The following GALNT13 variants were observed in gnomAD, a reference collection of about 807,000 sequenced individuals.
The protein encoded by GALNT13 is UDP-GalNAc:polypeptide N-acetylgalactosaminyltransferase 13.
GALNT13 carries 28 observed loss-of-function variants against 64.2 expected under a neutral mutation model. The ratio of observed to expected loss-of-function variants is 0.44; its 90% CI spans 0.32 to 0.60. GALNT13 has a LOEUF of 0.60. Among genes scored for constraint, GALNT13 ranks in the 20% least tolerant of loss-of-function variants. GALNT13 has a pLI of 0.05. For synonymous variants in GALNT13, 214 were observed against 224.6 expected, an observed-to-expected ratio of 0.95 and a Z score of 0.42; for missense variants, 577 against 669.8, an observed-to-expected ratio of 0.86 and a Z score of 1.53.
rs116098978 is a variant in GALNT13 at position 154,285,553 on chromosome 2, T to C, written c.976-15856T>C. Among the ~76,000 whole-genome samples, 885 of 152,248 alleles carry C rather than the reference T, an allele frequency of 5.8e-3. 10 individuals are homozygous for C. The highest frequency in any genetic ancestry group is 0.02 in the African/African-American group (840 of 41,562). ...ATACTTAGGTTTATTTCTGGGCTTT[T>C]GATTCTGTTTTACTGGTCTATGTGT... On this transcript the variant is annotated intron_variant, in intron 8 of 12. Transcript: ENST00000392825.
At chr2:154,237,300 T>C (rs1002744770) in intron 4 of GALNT13, among the ~76,000 whole-genome samples, 5 of 151,716 alleles carry the variant, frequency 3.3e-5, no homozygotes, top group Non-Finnish European at 7.4e-5. Context: ...GTAAAAGATA[T>C]AAAAACTGAG....
intron 12 of GALNT13, 86 bp from the exon 13 acceptor site, chr2:154,450,325 G>A (rs1701822528): frequency 8.1e-7 from 1 of 1,235,594 alleles, no homozygotes; most frequent in Admixed American, 2.3e-5. Flanking sequence ...AATCATAAAG[G>A]ATTTTTTAAA....
At chr2:154,010,973 T>C (rs1284687505) in intron 3 of GALNT13, among the ~76,000 whole-genome samples, 1 of 152,034 alleles carries the variant, frequency 6.6e-6, no homozygotes, top group Admixed American at 6.5e-5. Context: ...TGATTGTGTT[T>C]ATTTGGATCT....
the GALNT13 span, among the ~76,000 whole-genome samples, chr2:153,345,623 CTTTTCCTTTCTTTTT>C: frequency 2.7e-5 from 4 of 147,504 alleles, no homozygotes; most frequent in South Asian, 2.2e-4. Context: ...CTTTTCTTTT[CTTTTCCTTTCTTTTT>C]CTTTCTTTCT....
chr2:153,499,671 C>T, the GALNT13 span, among the ~76,000 whole-genome samples: 2 of 152,224 alleles, frequency 1.3e-5, no homozygotes, highest in Non-Finnish European at 2.9e-5. Flanking sequence ...CCAGAGGGGG[C>T]TGAGGGGGCA....
chr2:154,072,576 C>A (rs897374367), intron 3 of GALNT13, among the ~76,000 whole-genome samples: 1 of 151,918 alleles, frequency 6.6e-6, no homozygotes, highest in Non-Finnish European at 1.5e-5. Flanking sequence ...CTAATACCTC[C>A]CTGTTTCATG....
the GALNT13 span, among the ~76,000 whole-genome samples, chr2:153,081,177 G>A: frequency 6.6e-6 from 1 of 150,938 alleles, no homozygotes; most frequent in Non-Finnish European, 1.5e-5. Context: ...TTTTTACTTT[G>A]GTATTTATTG....
chr2:153,862,877 A>C, the GALNT13 span, among the ~76,000 whole-genome samples: 14 of 152,116 alleles, frequency 9.2e-5, no homozygotes, highest in Admixed American at 9.2e-4. Context: ...CTAATATTTT[A>C]AAATAAAGAA....
At chr2:153,401,310 T>C in the GALNT13 span, among the ~76,000 whole-genome samples, 1 of 151,762 alleles carries the variant, frequency 6.6e-6, no homozygotes, top group Non-Finnish European at 1.5e-5. Context: ...ATAATTTCTG[T>C]TCTTTTACAT....
intron 4 of GALNT13, among the ~76,000 whole-genome samples, chr2:154,205,855 C>A (rs905567459): frequency 6.6e-6 from 1 of 151,994 alleles, no homozygotes; most frequent in East Asian, 1.9e-4. Flanking sequence ...TGGAATAGGT[C>A]CAAACTTTAG....
rs1282769333 is a variant in GALNT13 at position 154,451,978 on chromosome 2, G to T, written c.*1427G>T. The T allele has an allele frequency of 6.6e-6, 1 of 152,004 alleles. No individual in the cohort carries two copies. Among genetic ancestry groups the T allele is most frequent in the Non-Finnish European group, 1.5e-5 (1 of 67,994 alleles). 9.4% of individuals were successfully genotyped at this position (152,004 alleles called of 1,614,324 possible). A position where few individuals can be genotyped will look rare whatever the true frequency, so the allele number is the denominator to read the frequency against. The stretch of plus-strand genomic sequence containing the variant: ...ATAGAAAGGATTAATCATTTTGACT[G>T]CATACAAACTATGTCTCTGACATGC... On this transcript the variant is annotated 3_prime_UTR_variant, in exon 13 of 13. Coordinates refer to ENST00000392825, the MANE Select transcript of GALNT13 (RefSeq NM_052917.4).
intron 3 of GALNT13, among the ~76,000 whole-genome samples, chr2:153,986,141 A>G (rs1039084930): frequency 6.6e-6 from 1 of 152,062 alleles, no homozygotes; most frequent in African/African-American, 2.4e-5. Context: ...TTTTCAAATC[A>G]GTACCTCGTA....
chr2:154,008,969 G>A (rs887196751), intron 3 of GALNT13, among the ~76,000 whole-genome samples: 48 of 152,096 alleles, frequency 3.2e-4, no homozygotes, highest in African/African-American at 1.1e-3. Flanking sequence ...CAATGGGATT[G>A]CTAGGTTAAA....
At chr2:153,773,938 A>G in the GALNT13 span, among the ~76,000 whole-genome samples, 1 of 152,060 alleles carries the variant, frequency 6.6e-6, no homozygotes, top group South Asian at 2.1e-4. Flanking sequence ...TTCAACTCCA[A>G]CTCTAACCAT....
chr2:153,269,642 G>A, the GALNT13 span, among the ~76,000 whole-genome samples: 14 of 152,068 alleles, frequency 9.2e-5, no homozygotes, highest in African/African-American at 2.2e-4. Context: ...CTACTCTGCC[G>A]GTACCAATTC....
intron 3 of GALNT13, among the ~76,000 whole-genome samples, chr2:153,956,718 A>C (rs1692591658): frequency 6.6e-6 from 1 of 152,164 alleles, no homozygotes. Context: ...ATTAGACAAA[A>C]TTATTTTTCC....
At chr2:153,146,688 A>G in the GALNT13 span, among the ~76,000 whole-genome samples, 1 of 151,850 alleles carries the variant, frequency 6.6e-6, no homozygotes, top group Non-Finnish European at 1.5e-5. Context: ...TCCTTCAGCT[A>G]GATGTTTCAA....
At chr2:153,080,594 A>G in the GALNT13 span, among the ~76,000 whole-genome samples, 1 of 152,082 alleles carries the variant, frequency 6.6e-6, no homozygotes, top group Non-Finnish European at 1.5e-5. Context: ...TTGAAAAAAG[A>G]TATATTATCT....
chr2:153,348,681 GGAGTCTGTGTGTTTT>G, the GALNT13 span, among the ~76,000 whole-genome samples: 1 of 152,112 alleles, frequency 6.6e-6, no homozygotes, highest in African/African-American at 2.4e-5. Flanking sequence ...TGCAATGGAT[GGAGTCTGTGTGTTTT>G]GAGATTTTTA....
Sources: allele counts gnomAD v4.1 joint callset (sites outside exome capture counted in the v4.1 genomes callset), GRCh38; gene constraint gnomAD v4.1.1; transcripts MANE v1.5; gene names NCBI Gene and HGNC (gene_info 2026-07-23, HGNC 2026-07-21).